The following ZNF407 variants were observed in gnomAD, a reference collection of about 807,000 sequenced individuals.
ZNF407 encodes the protein zinc finger protein 407.
Under a neutral mutation model 131.2 loss-of-function variants are expected in ZNF407, and 17 were observed. The ratio of observed to expected loss-of-function variants is 0.13; its 90% CI spans 0.09 to 0.19. The LOEUF (loss-of-function observed/expected upper bound fraction) is 0.19. ZNF407 is among the 10% of genes least tolerant of loss of function. The probability of loss-of-function intolerance (pLI) is 1.00; values close to 1 mark genes in which losing one functional copy is unlikely to be tolerated. For missense variants in ZNF407, 2,681 were observed against 2,830.6 expected (o/e 0.95, Z 1.20); for synonymous variants, 1,156 against 1,062.0 (o/e 1.09, Z -1.72).
At chr18:74,788,968 G>T (rs1206909321) in intron 4 of ZNF407, among the ~76,000 whole-genome samples, 1 of 151,800 alleles carries the variant, frequency 6.6e-6, no homozygotes, top group Admixed American at 6.6e-5. Flanking sequence ...GGTGATAATA[G>T]GGCATCTTAT....
At position 74,803,882 on chromosome 18, in the gene ZNF407, C is replaced by T. The variant is rs370149082; in HGVS notation, c.4877+22380C>T. On this transcript the variant is annotated intron_variant, in intron 4 of 8. Coordinates refer to ENST00000299687, the MANE Select transcript of ZNF407 (RefSeq NM_017757.3). Reference sequence around the variant, plus strand: ...TTCAAAAAGGTCAGGAATGACGGAGCGAAAAATGTTCACGAGAATGCTTTA... The same window carrying T: ...TTCAAAAAGGTCAGGAATGACGGAGTGAAAAATGTTCACGAGAATGCTTTA... 1.1e-3 allele frequency: 1,541 copies of T among 1,453,748 alleles called. 3 individuals carry two copies. The highest frequency in any genetic ancestry group is 9.6e-3 in the Middle Eastern group (55 of 5,708). The allele number at this position is 1,453,748 out of a possible 1,614,324, so 90.1% of individuals were successfully genotyped here.
chr18:74,853,994 C>T (rs1970824530), intron 4 of ZNF407, among the ~76,000 whole-genome samples: 4 of 152,156 alleles, frequency 2.6e-5, no homozygotes, highest in Admixed American at 2.6e-4. Context: ...ATTTATTGAT[C>T]ATTTAGTTTC....
intron 8 of ZNF407, among the ~76,000 whole-genome samples, chr18:75,035,754 C>T (rs919321119): frequency 2.6e-5 from 4 of 152,206 alleles, no homozygotes; most frequent in Admixed American, 6.5e-5. Context: ...ATGGGCATTG[C>T]GTCCGCCTCG....
intron 8 of ZNF407, among the ~76,000 whole-genome samples, chr18:75,013,204 G>T (rs895039389): frequency 6.6e-6 from 1 of 152,124 alleles, no homozygotes; most frequent in African/African-American, 2.4e-5. Context: ...AAGAGATGCG[G>T]TGACATGTGG....
chr18:74,794,111 T>C (rs1969875445), intron 4 of ZNF407, among the ~76,000 whole-genome samples: 1 of 152,182 alleles, frequency 6.6e-6, no homozygotes, highest in African/African-American at 2.4e-5. Flanking sequence ...GGTTTGTCAC[T>C]GAGCTCTGCT....
intron 4 of ZNF407, among the ~76,000 whole-genome samples, chr18:74,835,629 G>GT (rs1555693408): frequency 0.14 from 12,438 of 92,132 alleles, 607 homozygotes; most frequent in Non-Finnish European, 0.15. Context: ...GACAGAGGGG[G>GT]GTGTGTGTGT....
intron 3 of ZNF407, among the ~76,000 whole-genome samples, chr18:74,673,539 C>A (rs1310958351): frequency 6.6e-6 from 1 of 152,172 alleles, no homozygotes. Context: ...TCTGCAGAAT[C>A]CCTTTTGTGT....
intron 3 of ZNF407, among the ~76,000 whole-genome samples, chr18:74,657,429 C>T (rs529760351): frequency 1.3e-5 from 2 of 152,054 alleles, no homozygotes; most frequent in East Asian, 3.9e-4. Flanking sequence ...CCAGAAAATG[C>T]ATTATTGTGT....
intron 3 of ZNF407, among the ~76,000 whole-genome samples, chr18:74,709,833 C>T (rs745580751): frequency 2.6e-5 from 4 of 152,176 alleles, no homozygotes; most frequent in Admixed American, 2.0e-4. Context: ...AATCCTGTCA[C>T]TATCAACAAG....
chr18:74,682,406 G>A (rs1051899847), intron 3 of ZNF407, among the ~76,000 whole-genome samples: 10 of 152,176 alleles, frequency 6.6e-5, no homozygotes, highest in African/African-American at 1.4e-4. Flanking sequence ...TTCTTGTGGC[G>A]TGGGTGGTAC....
intron 4 of ZNF407, among the ~76,000 whole-genome samples, chr18:74,793,071 C>T (rs1305157928): frequency 2.6e-5 from 4 of 152,170 alleles, no homozygotes; most frequent in Non-Finnish European, 5.9e-5. Context: ...TGGGCGTGTT[C>T]AGAGACCACT....
At chr18:74,687,812 A>G (rs922653301) in intron 3 of ZNF407, among the ~76,000 whole-genome samples, 3 of 152,206 alleles carry the variant, frequency 2.0e-5, no homozygotes, top group Non-Finnish European at 4.4e-5. Flanking sequence ...TGCTAATGTT[A>G]TGACCCATCT....
At chr18:74,830,715 A>G (rs1392845302) in intron 4 of ZNF407, among the ~76,000 whole-genome samples, 6 of 152,222 alleles carry the variant, frequency 3.9e-5, no homozygotes, top group Non-Finnish European at 5.9e-5. Flanking sequence ...TGATCAGATC[A>G]GTGTAATTGG....
chr18:74,794,557 A>G (rs929997257), intron 4 of ZNF407, among the ~76,000 whole-genome samples: 5 of 152,058 alleles, frequency 3.3e-5, no homozygotes, highest in Admixed American at 2.0e-4. Flanking sequence ...TACGTTGCTT[A>G]TTGCAGAATA....
intron 1 of ZNF407, among the ~76,000 whole-genome samples, chr18:74,630,259 C>T (rs1431228676): frequency 1.3e-5 from 2 of 151,566 alleles, no homozygotes; most frequent in Admixed American, 6.6e-5. Context: ...CAAGCTCCGC[C>T]TCCCGGGTTC....
At position 75,063,232 on chromosome 18, in the gene ZNF407, G is replaced by A. The variant is rs199635552; in HGVS notation, c.5511G>A (p.Ala1837=). ...AGACAGACAGCCCCTTCACCGCGGC[G>A]GCCTTGGCAGAAGAGCCCCTCGTCA... ...FVETDSPFTA[A]ALAEEPLVKE... Residue 1837 remains alanine, a synonymous_variant, in exon 9 of 9, where the codon GCG becomes GCA. Transcript: ENST00000299687. This position sits in a 1 kb window ranked among gnomAD's most constrained non-coding sequence, Gnocchi z 6.6. 9.6e-5 allele frequency: 155 copies of A among 1,613,532 alleles called. 1 individual carries two copies. In the East Asian group the frequency reaches 2.7e-3, roughly 29 times the overall value.
intron 3 of ZNF407, among the ~76,000 whole-genome samples, chr18:74,734,109 C>G (rs1409641800): frequency 2.0e-5 from 3 of 152,160 alleles, no homozygotes; most frequent in Non-Finnish European, 4.4e-5. Context: ...GGCTCTGTGT[C>G]AGTGTTGACA....
Position 74,632,611 on chromosome 18 carries a change from C to T in ZNF407, c.1592C>T (p.Thr531Ile), listed in dbSNP as rs757565072. The T allele has an allele frequency of 5.6e-6, 9 of 1,613,908 alleles. No individual in the cohort carries two copies. Among genetic ancestry groups the T allele is most frequent in the South Asian group, 4.4e-5 (4 of 91,088 alleles). Residue 531 changes from threonine to isoleucine, a missense_variant, in exon 2 of 9, where the codon ACA becomes ATA. This residue lies in a region of ZNF407 where 1,789 missense variants were observed against 1,748.7 expected (regional missense o/e 1.02). Transcript: ENST00000299687. Reference sequence around the variant, plus strand: ...GGCTCTCAGACGTTGTGTGCTTGTACAGACTGTGGGCAAGTAGCTACAAAT... The same window carrying T: ...GGCTCTCAGACGTTGTGTGCTTGTATAGACTGTGGGCAAGTAGCTACAAAT... ...ASGSQTLCAC[T>I]DCGQVATNRT...
At chr18:74,889,086 T>A (rs1027557546) in intron 6 of ZNF407, among the ~76,000 whole-genome samples, 1 of 152,188 alleles carries the variant, frequency 6.6e-6, no homozygotes, top group Non-Finnish European at 1.5e-5. Flanking sequence ...TTGCCTACAG[T>A]ATTTAGTACA....
Sources: allele counts gnomAD v4.1 joint callset (sites outside exome capture counted in the v4.1 genomes callset), GRCh38; gene constraint gnomAD v4.1.1; regional missense constraint gnomAD v4.1.1; non-coding constraint Gnocchi (gnomAD v3.1); transcripts MANE v1.5; gene names NCBI Gene and HGNC (gene_info 2026-07-23, HGNC 2026-07-21).